Variants in ZNF423 observed in about 807,000 individuals in gnomAD.
ZNF423 encodes Ebf-associated zinc finger protein.
In ZNF423, 12 loss-of-function variants were observed where a neutral mutation model predicts 95.8. The ratio of observed to expected loss-of-function variants is 0.13; its 90% CI spans 0.08 to 0.20. ZNF423 has a LOEUF of 0.20. Among genes scored for constraint, ZNF423 ranks in the 10% least tolerant of loss-of-function variants. ZNF423 has a pLI of 1.00. For missense variants in ZNF423, 1,316 were observed against 1,737.1 expected (o/e 0.76, Z 4.31); for synonymous variants, 749 against 711.9 (o/e 1.05, Z -0.83).
intron 5 of ZNF423, among the ~76,000 whole-genome samples, chr16:49,543,638 T>C (rs549499401): frequency 1.4e-3 from 216 of 152,140 alleles, no homozygotes; most frequent in African/African-American, 4.2e-3. Flanking sequence ...ATGGGGCGCC[T>C]GGCGGGTGGG....
At chr16:49,659,658 G>A (rs560592384) in intron 3 of ZNF423, among the ~76,000 whole-genome samples, 1 of 152,348 alleles carries the variant, frequency 6.6e-6, no homozygotes, top group East Asian at 1.9e-4. Context: ...TGTAATGCAG[G>A]GGAGAGAGAA....
chr16:49,490,664 C>T lies in ZNF423; in HGVS notation c.*611G>A, dbSNP rs1343738927. 1 of 154,268 alleles carries T rather than the reference C, an allele frequency of 6.5e-6. No individual in the cohort carries two copies. The highest frequency in any genetic ancestry group is 1.9e-4 in the East Asian group (1 of 5,262). The allele number at this position is 154,268 out of a possible 1,614,324, so 9.6% of individuals were successfully genotyped here. ...TAGTTACTGCAGTCAGATTAAGTCA[C>T]ATTTAAAAGCAGACCATCCAGTTGC... On this transcript the variant is annotated 3_prime_UTR_variant, in exon 8 of 8. Coordinates refer to ENST00000563137, the MANE Select transcript of ZNF423 (RefSeq NM_001379286.1).
intron 5 of ZNF423, among the ~76,000 whole-genome samples, chr16:49,624,777 T>C (rs1248740885): frequency 6.6e-6 from 1 of 152,158 alleles, no homozygotes; most frequent in Non-Finnish European, 1.5e-5. Context: ...TCCATTTCCA[T>C]AAACTAGAAA....
chr16:49,629,931 TG>T (rs1972444107), intron 4 of ZNF423, among the ~76,000 whole-genome samples: 1 of 152,174 alleles, frequency 6.6e-6, no homozygotes, highest in African/African-American at 2.4e-5. Flanking sequence ...AAATGCTGCT[TG>T]AACAAATGAA....
rs1408999256 is a variant in ZNF423, at chr16:49,855,210, C to T, written c.40+525G>A. On this transcript the variant is annotated intron_variant, in intron 1 of 7. Coordinates refer to ENST00000563137, the MANE Select transcript of ZNF423 (RefSeq NM_001379286.1). The surrounding 1 kb of genome is among the most constrained non-coding windows in gnomAD (Gnocchi z 4.7). ...CGCTCGCCGACAGCGCCCGCCGCTC[C>T]CCGCGTCCTCGGGCGACCAGGCAGG... Among the ~76,000 whole-genome samples, 1 of 130,378 alleles carries T rather than the reference C, an allele frequency of 7.7e-6. No individual in the cohort carries two copies. Among genetic ancestry groups the T allele is most frequent in the African/African-American group, 2.5e-5 (1 of 39,272 alleles). 85.5% of individuals were successfully genotyped at this position (130,378 alleles called of 152,430 possible). A position where few individuals can be genotyped will look rare whatever the true frequency, so the allele number is the denominator to read the frequency against.
chr16:49,529,412 C>A (rs891513264), intron 5 of ZNF423, among the ~76,000 whole-genome samples: 17 of 152,176 alleles, frequency 1.1e-4, no homozygotes, highest in African/African-American at 3.6e-4. Context: ...CCCTCCTCTG[C>A]TCAGGAATAA....
chr16:49,628,740 C>G (rs899681465), intron 4 of ZNF423, among the ~76,000 whole-genome samples: 15 of 152,178 alleles, frequency 9.9e-5, no homozygotes, highest in African/African-American at 3.6e-4. Flanking sequence ...AGCTGGTTTC[C>G]ACACACAGGG....
At chr16:49,541,941 G>A (rs1029575639) in intron 5 of ZNF423, among the ~76,000 whole-genome samples, 7 of 152,206 alleles carry the variant, frequency 4.6e-5, no homozygotes, top group Non-Finnish European at 1.0e-4. Context: ...AAAGTATCCA[G>A]TGTCAGGCAG....
rs1160565840 is a variant in ZNF423 at position 49,635,298 on chromosome 16, C to A, written c.3516+362G>T. On this transcript the variant is annotated intron_variant, in intron 4 of 7. Coordinates refer to ENST00000563137, the MANE Select transcript of ZNF423 (RefSeq NM_001379286.1). This position sits in a 1 kb window ranked among gnomAD's most constrained non-coding sequence, Gnocchi z 4.8. Reference sequence around the variant, plus strand: ...CCCAGCTCAACAACAAAGACACAAGCCACCACCCATGGTGCCCTCACTGTG... The same window carrying A: ...CCCAGCTCAACAACAAAGACACAAGACACCACCCATGGTGCCCTCACTGTG... Among the ~76,000 whole-genome samples the A allele has an allele frequency of 2.0e-5, 3 of 152,224 alleles. No individual in the cohort carries two copies. Among genetic ancestry groups the A allele is most frequent in the African/African-American group, 7.2e-5 (3 of 41,460 alleles).
At chr16:49,842,569 A>G (rs968822712) in intron 1 of ZNF423, among the ~76,000 whole-genome samples, 5 of 152,092 alleles carry the variant, frequency 3.3e-5, no homozygotes, top group Non-Finnish European at 5.9e-5. Flanking sequence ...CAACATAGCA[A>G]GGCCTCATAT....
intron 3 of ZNF423, among the ~76,000 whole-genome samples, chr16:49,714,149 G>A (rs1596904821): frequency 6.6e-6 from 1 of 152,258 alleles, no homozygotes; most frequent in East Asian, 1.9e-4. Context: ...CCCTGCAGAC[G>A]GCTCATTCTC....
In ZNF423 at chr16:49,820,184, G is replaced by A. The variant is rs974932008; in HGVS notation, c.41-30638C>T. On this transcript the variant is annotated intron_variant, in intron 1 of 7. Transcript: ENST00000563137. ...CAGTGAGCTGAATGGCAAGAACTCCGAAAGGGGCAGAGACTCCCAGTGGCC... is the reference window on the plus strand; with the variant it reads ...CAGTGAGCTGAATGGCAAGAACTCCAAAAGGGGCAGAGACTCCCAGTGGCC... Among the ~76,000 whole-genome samples the A allele has an allele frequency of 2.0e-5, 3 of 152,094 alleles. No individual in the cohort carries two copies. The South Asian group carries it at 6.2e-4, about 32-fold the overall frequency.
chr16:49,699,020 C>G (rs540472291), intron 3 of ZNF423, among the ~76,000 whole-genome samples: 5 of 152,314 alleles, frequency 3.3e-5, no homozygotes, highest in Non-Finnish European at 5.9e-5. Context: ...CTGTGACTAA[C>G]CAAAATCAAT....
rs762299767 is a variant in ZNF423 at position 49,637,327 on chromosome 16, C to T, written c.1849G>A (p.Asp617Asn). 7 of 1,614,190 alleles carry T rather than the reference C, an allele frequency of 4.3e-6. No individual in the cohort carries two copies. Among genetic ancestry groups the T allele is most frequent in the Non-Finnish European group, 4.2e-6 (5 of 1,180,038 alleles). Residue 617 changes from aspartate to asparagine, a missense_variant, in exon 4 of 8, where the codon GAT becomes AAT. Asp to Asn is a conservative substitution (Grantham distance 23, BLOSUM62 1). Transcript: ENST00000563137. The surrounding 1 kb of genome is among the most constrained non-coding windows in gnomAD (Gnocchi z 5.6). ...SKAEQSPVSS[D>N]VEVSSPKRQR... ...CGCTTCGGGGAAGACACCTCCACAT[C>T]GGACGAGACTGGGCTCTGCTCGGCC... is the stretch of plus-strand genomic sequence containing the variant.
intron 4 of ZNF423, among the ~76,000 whole-genome samples, chr16:49,631,431 C>T (rs540440827): frequency 4.0e-5 from 6 of 151,662 alleles, no homozygotes; most frequent in Non-Finnish European, 8.8e-5. Flanking sequence ...CCCCTGGAGA[C>T]CCCCTCCTCC....
intron 2 of ZNF423, among the ~76,000 whole-genome samples, chr16:49,760,794 G>A (rs2143637859): frequency 6.6e-6 from 1 of 151,930 alleles, no homozygotes; most frequent in South Asian, 2.1e-4. Context: ...AGCACCCCTA[G>A]GCGGTGGTTG....
intron 3 of ZNF423, among the ~76,000 whole-genome samples, chr16:49,685,899 T>C (rs1473247724): frequency 7.9e-5 from 12 of 152,190 alleles, no homozygotes; most frequent in Admixed American, 7.9e-4. Flanking sequence ...CCATGCTGCC[T>C]ACCACCAATC....
chr16:49,669,632 A>G (rs1349319531), intron 3 of ZNF423, among the ~76,000 whole-genome samples: 1 of 152,204 alleles, frequency 6.6e-6, no homozygotes, highest in African/African-American at 2.4e-5. Flanking sequence ...GACCCCTTGG[A>G]AAGCCCAAAA....
chr16:49,677,310 A>AG (rs1567284136), intron 3 of ZNF423, among the ~76,000 whole-genome samples: 132 of 75,408 alleles, frequency 1.8e-3, no homozygotes, highest in East Asian at 2.7e-3. Flanking sequence ...AGAGAAGAGA[A>AG]AGGAGGGGAA....
Sources: allele counts gnomAD v4.1 joint callset (sites outside exome capture counted in the v4.1 genomes callset), GRCh38; gene constraint gnomAD v4.1.1; non-coding constraint Gnocchi (gnomAD v3.1); transcripts MANE v1.5; gene names NCBI Gene and HGNC (gene_info 2026-07-23, HGNC 2026-07-21).